The following ZFAND6 variants were observed in gnomAD, a reference collection of about 807,000 sequenced individuals.
The protein encoded by ZFAND6 is zinc finger AN1-type containing 6.
A neutral mutation model predicts 24.5 loss-of-function variants in ZFAND6; 12 were observed. The ratio of observed to expected loss-of-function variants is 0.49; its 90% CI spans 0.31 to 0.79. The LOEUF (loss-of-function observed/expected upper bound fraction) is 0.79. Ranked by LOEUF, ZFAND6 falls within the 30% of genes least tolerant of loss-of-function variation. ZFAND6 has a pLI of 0.04. For missense variants in ZFAND6, 207 were observed against 245.9 expected (o/e 0.84, Z 1.06); for synonymous variants, 92 against 81.5 (o/e 1.13, Z -0.69).
intron 1 of ZFAND6, among the ~76,000 whole-genome samples, chr15:80,075,668 A>G (rs2037231621): frequency 6.6e-6 from 1 of 152,124 alleles, no homozygotes; most frequent in Admixed American, 6.5e-5. Flanking sequence ...AAAAAACTTA[A>G]TGGGCAGTAA....
At chr15:80,063,240 A>C (rs192717411) in intron 1 of ZFAND6, among the ~76,000 whole-genome samples, 30 of 152,306 alleles carry the variant, frequency 2.0e-4, no homozygotes, top group Non-Finnish European at 2.4e-4. Context: ...AACTGGTGAA[A>C]ATACGTTTTA....
intron 6 of ZFAND6, among the ~76,000 whole-genome samples, chr15:80,133,083 AAG>A (rs2040685162): frequency 6.6e-6 from 1 of 152,178 alleles, no homozygotes; most frequent in Non-Finnish European, 1.5e-5. Context: ...GCTATAAAAA[AAG>A]GCATACTATG....
At chr15:80,078,299 A>T (rs1471609894) in intron 1 of ZFAND6, among the ~76,000 whole-genome samples, 1 of 152,170 alleles carries the variant, frequency 6.6e-6, no homozygotes, top group Non-Finnish European at 1.5e-5. Context: ...TTTATAAGTG[A>T]CAACGTGGTA....
chr15:80,076,392 C>A (rs1461990901), intron 1 of ZFAND6, among the ~76,000 whole-genome samples: 1 of 146,676 alleles, frequency 6.8e-6, no homozygotes, highest in Non-Finnish European at 1.5e-5. Flanking sequence ...TTTTTTTTTT[C>A]CTTCACGTGT....
At chr15:80,128,803 C>T (rs1228633910) in intron 5 of ZFAND6, among the ~76,000 whole-genome samples, 3 of 152,132 alleles carry the variant, frequency 2.0e-5, no homozygotes, top group Non-Finnish European at 4.4e-5. Flanking sequence ...AACCATTGGC[C>T]TTCTTTGGGG....
chr15:80,108,418 T>G (rs1488968531), intron 2 of ZFAND6, among the ~76,000 whole-genome samples: 2 of 152,078 alleles, frequency 1.3e-5, no homozygotes, highest in African/African-American at 4.8e-5. Context: ...CAATCTGTGG[T>G]AATCGTGAGA....
intron 3 of ZFAND6, among the ~76,000 whole-genome samples, 155 bp from the exon 4 acceptor site, chr15:80,121,557 T>C (rs1168573622): frequency 2.0e-5 from 3 of 152,230 alleles, no homozygotes; most frequent in Non-Finnish European, 4.4e-5. Context: ...GGCAAACCGT[T>C]GAAAAATTTT....
intron 1 of ZFAND6, among the ~76,000 whole-genome samples, chr15:80,062,835 C>G (rs114924436): frequency 0.013 from 1,916 of 152,276 alleles, 34 homozygotes; most frequent in African/African-American, 0.044. Context: ...AGGTATACCC[C>G]TGGTCTTTAT....
At chr15:80,062,931 A>T (rs747392812) in intron 1 of ZFAND6, among the ~76,000 whole-genome samples, 4 of 152,202 alleles carry the variant, frequency 2.6e-5, no homozygotes, top group Admixed American at 6.5e-5. Context: ...ACCGAAATGT[A>T]ATCTGCCTCA....
chr15:80,137,600 T>A lies in ZFAND6; in HGVS notation c.599T>A (p.Val200Asp). 6.3e-7 allele frequency: 1 copy of A among 1,599,062 alleles called. No homozygotes were observed. Among genetic ancestry groups the A allele is most frequent in the Non-Finnish European group, 8.5e-7 (1 of 1,175,640 alleles). ...AAAATCAGAAAAGAAAATCCAGTAGTTGTTGGTGAAAAGATCCAAAAGATT... is the reference window on the plus strand; with the variant it reads ...AAAATCAGAAAAGAAAATCCAGTAGATGTTGGTGAAAAGATCCAAAAGATT... ...AEKIRKENPV[V>D]VGEKIQKI Residue 200 changes from valine to aspartate, a missense_variant, in exon 7 of 7, where the codon GTT (valine) becomes GAT (aspartate). Val to Asp is a radical substitution (Grantham distance 152). This residue lies in a region of ZFAND6 where 45 missense variants were observed against 67.7 expected (regional missense o/e 0.66). Transcript: ENST00000261749.
intron 1 of ZFAND6, among the ~76,000 whole-genome samples, chr15:80,096,988 T>C (rs1447138185): frequency 6.6e-6 from 1 of 151,896 alleles, no homozygotes; most frequent in South Asian, 2.1e-4. Context: ...AGTTTAGATA[T>C]AATGTGTTAG....
intron 2 of ZFAND6, among the ~76,000 whole-genome samples, chr15:80,113,259 A>G (rs1244327075): frequency 6.6e-6 from 1 of 152,198 alleles, no homozygotes; most frequent in Non-Finnish European, 1.5e-5. Flanking sequence ...ATGGGTTTTA[A>G]TTTGAGGAAC....
At chr15:80,132,158 G>A (rs966885788) in intron 6 of ZFAND6, among the ~76,000 whole-genome samples, 1 of 152,204 alleles carries the variant, frequency 6.6e-6, no homozygotes, top group Non-Finnish European at 1.5e-5. Context: ...AACAACATGG[G>A]ACTGTAGGGG....
intron 1 of ZFAND6, among the ~76,000 whole-genome samples, chr15:80,074,336 T>G (rs1158494689): frequency 6.6e-6 from 1 of 151,920 alleles, no homozygotes; most frequent in African/African-American, 2.4e-5. Flanking sequence ...AGTATGGGGC[T>G]TAATGTTTTA....
rs576037462 is a variant in ZFAND6, at chr15:80,070,055, A to G, written c.-181+10246A>G. 5.9e-5 allele frequency among the ~76,000 whole-genome samples: 9 copies of G among 152,344 alleles called. No individual in the cohort carries two copies. In the South Asian group the frequency reaches 1.9e-3, roughly 32 times the overall value. On this transcript the variant is annotated intron_variant, in intron 1 of 6. Coordinates refer to ENST00000261749, the MANE Select transcript of ZFAND6 (RefSeq NM_019006.4). Reference sequence around the variant, plus strand: ...GTGCCAGAGAAAATGCCCAGGATTAATTTCTTTTGTAGGAAGAGCAGTTTG... The same window carrying G: ...GTGCCAGAGAAAATGCCCAGGATTAGTTTCTTTTGTAGGAAGAGCAGTTTG...
intron 1 of ZFAND6, among the ~76,000 whole-genome samples, chr15:80,095,027 C>A (rs111556902): frequency 6.6e-5 from 10 of 152,282 alleles, no homozygotes; most frequent in African/African-American, 2.4e-4. Context: ...CCTGCCTCGG[C>A]CTCCCAGATT....
intron 1 of ZFAND6, among the ~76,000 whole-genome samples, chr15:80,070,491 T>C (rs2036913208): frequency 3.3e-5 from 5 of 152,220 alleles, no homozygotes; most frequent in Admixed American, 3.3e-4. Flanking sequence ...TGCTGCTGAT[T>C]TAGAAATGAA....
chr15:80,059,160 G>C (rs2036193565), upstream of ZFAND6, among the ~76,000 whole-genome samples: 1 of 152,368 alleles, frequency 6.6e-6, no homozygotes, highest in East Asian at 1.9e-4. Flanking sequence ...CTCGGACTTT[G>C]CGCTTGCAGA....
chr15:80,059,845 G>C, intron 1 of ZFAND6, 36 bp downstream of exon 1: 1 of 151,224 alleles, frequency 6.6e-6, no homozygotes, highest in Non-Finnish European at 1.5e-5. Flanking sequence ...GGCTTGCCCG[G>C]CGCTGCCCCT....
Sources: gnomAD v4.1 joint callset for allele counts (sites outside exome capture counted in the v4.1 genomes callset) on GRCh38, gnomAD v4.1.1 for gene constraint, gnomAD v4.1.1 regional missense constraint, MANE v1.5 for transcripts, NCBI Gene and HGNC (gene_info 2026-07-23, HGNC 2026-07-21) for gene names.